Variants in CTNNBL1 observed in about 807,000 individuals in gnomAD.
The protein encoded by CTNNBL1 is beta-catenin-like protein 1.
In CTNNBL1, 31 loss-of-function variants were observed where a neutral mutation model predicts 72.7. The ratio of observed to expected loss-of-function variants is 0.43; its 90% CI spans 0.32 to 0.58. The LOEUF is 0.58. Among genes scored for constraint, CTNNBL1 ranks in the 20% least tolerant of loss-of-function variants. CTNNBL1 has a pLI of 0.08. For synonymous variants in CTNNBL1, 240 were observed against 267.3 expected, an observed-to-expected ratio of 0.90 and a Z score of 1.00; for missense variants, 534 against 725.1, an observed-to-expected ratio of 0.74 and a Z score of 3.03.
At chr20:37,821,305 C>T (rs2072105174) in intron 11 of CTNNBL1, among the ~76,000 whole-genome samples, 1 of 152,212 alleles carries the variant, frequency 6.6e-6, no homozygotes. Context: ...CAGCTGTGAG[C>T]TCCGCTAGGC....
chr20:37,844,717 C>T (rs986767287), intron 13 of CTNNBL1, among the ~76,000 whole-genome samples: 7 of 152,098 alleles, frequency 4.6e-5, no homozygotes, highest in Non-Finnish European at 1.0e-4. Flanking sequence ...GAGGCCAAGG[C>T]GGGCAGATCA....
intron 1 of CTNNBL1, among the ~76,000 whole-genome samples, chr20:37,713,265 A>G (rs151297340): frequency 4.5e-4 from 68 of 152,312 alleles, no homozygotes; most frequent in African/African-American, 1.6e-3. Context: ...GAAGACTGCA[A>G]ATCACTTCCC....
chr20:37,813,590 A>G (rs2072030329), intron 11 of CTNNBL1, among the ~76,000 whole-genome samples: 1 of 152,244 alleles, frequency 6.6e-6, no homozygotes, highest in African/African-American at 2.4e-5. Flanking sequence ...TGCCAGGTAG[A>G]AACTTGGCTC....
intron 11 of CTNNBL1, among the ~76,000 whole-genome samples, chr20:37,838,197 G>A (rs377714264): frequency 3.3e-5 from 5 of 152,200 alleles, no homozygotes; most frequent in Admixed American, 1.3e-4. Context: ...TCTGAGTTGG[G>A]GAGTCACTGG....
At chr20:37,781,844 A>G (rs2073628664) in intron 10 of CTNNBL1, among the ~76,000 whole-genome samples, 1 of 152,166 alleles carries the variant, frequency 6.6e-6, no homozygotes, top group African/African-American at 2.4e-5. Flanking sequence ...TCAGTCATTC[A>G]TCAGACAGTT....
intron 10 of CTNNBL1, among the ~76,000 whole-genome samples, chr20:37,799,390 C>T (rs145333602): frequency 1.9e-4 from 29 of 152,284 alleles, no homozygotes; most frequent in Non-Finnish European, 3.5e-4. Flanking sequence ...ACTGGCCATT[C>T]GGAACTACCT....
chr20:37,764,132 G>GAGCT (rs1346119788), intron 5 of CTNNBL1, among the ~76,000 whole-genome samples: 2 of 152,126 alleles, frequency 1.3e-5, no homozygotes, highest in African/African-American at 4.8e-5. Context: ...CCTAGGGTAA[G>GAGCT]GCCTGTTACA....
chr20:37,839,271 G>C (rs2072280454), intron 11 of CTNNBL1, among the ~76,000 whole-genome samples: 2 of 152,192 alleles, frequency 1.3e-5, no homozygotes, highest in Non-Finnish European at 2.9e-5. Flanking sequence ...AACTGGCATA[G>C]GAAGATGCTC....
At chr20:37,778,365 T>A (rs2073594466) in intron 9 of CTNNBL1, among the ~76,000 whole-genome samples, 1 of 151,842 alleles carries the variant, frequency 6.6e-6, no homozygotes, top group Non-Finnish European at 1.5e-5. Flanking sequence ...GTTGGGAGAG[T>A]CTGAGATGTC....
At position 37,765,284 on chromosome 20, in the gene CTNNBL1, ACT is replaced by A. The variant is rs1568770160; in HGVS notation, c.655_656del (p.Leu219GlyfsTer8). 2 of 1,547,798 alleles carry A rather than the reference ACT, an allele frequency of 1.3e-6. No individual in the cohort carries two copies. Among genetic ancestry groups the A allele is most frequent in the Non-Finnish European group, 8.7e-7 (1 of 1,143,704 alleles). ...AGAGGAGGCAGATGGCGTCCACAAC[ACT>A]CTGGGTGAGAGGAAGGGTGCTTGCC... Reference protein sequence around the residue: ...VKEEADGVHNTLAIVENMAEF... With the variant: ...VKEEADGVHNXLAIVENMAEF... On this transcript the variant is annotated frameshift_variant, in exon 6 of 16. Transcript: ENST00000361383. LOFTEE classifies it high-confidence loss of function.
intron 11 of CTNNBL1, among the ~76,000 whole-genome samples, chr20:37,835,632 A>G (rs1447479888): frequency 6.6e-6 from 1 of 152,170 alleles, no homozygotes; most frequent in Non-Finnish European, 1.5e-5. Flanking sequence ...CTTTAATTCC[A>G]CTACTAGGAA....
intron 10 of CTNNBL1, among the ~76,000 whole-genome samples, chr20:37,782,080 C>G (rs112962902): frequency 0.028 from 4,227 of 152,208 alleles, 92 homozygotes; most frequent in Middle Eastern, 0.092. Flanking sequence ...TATAAAGTAT[C>G]TAGGAGAATT....
chr20:37,729,360 C>T (rs1395729970), intron 1 of CTNNBL1, among the ~76,000 whole-genome samples: 1 of 152,098 alleles, frequency 6.6e-6, no homozygotes, highest in African/African-American at 2.4e-5. Flanking sequence ...TGAAGTTCTG[C>T]AGAAGGAAAG....
intron 12 of CTNNBL1, among the ~76,000 whole-genome samples, chr20:37,841,339 G>T (rs911157714): frequency 2.0e-5 from 3 of 152,220 alleles, no homozygotes; most frequent in African/African-American, 7.2e-5. Context: ...AGTGACATCA[G>T]TTAACATCTG....
At chr20:37,816,765 A>G (rs186214377) in intron 11 of CTNNBL1, among the ~76,000 whole-genome samples, 1 of 152,160 alleles carries the variant, frequency 6.6e-6, no homozygotes, top group East Asian at 1.9e-4. Context: ...CATAAAATAC[A>G]TTAAGCATGT....
chr20:37,697,864 C>T (rs1239258333), intron 1 of CTNNBL1, among the ~76,000 whole-genome samples: 1 of 152,186 alleles, frequency 6.6e-6, no homozygotes, highest in East Asian at 1.9e-4. Context: ...TCCAGATTCA[C>T]ACAAGTGAAA....
chr20:37,846,391 C>T (rs545716542), intron 13 of CTNNBL1, among the ~76,000 whole-genome samples: 13 of 151,774 alleles, frequency 8.6e-5, no homozygotes, highest in East Asian at 2.0e-4. Context: ...CCTGGTTCTC[C>T]GACTGTGGGC....
At position 37,859,862 on chromosome 20, in the gene CTNNBL1, G is replaced by A. The variant is rs1277045278; in HGVS notation, c.1393-37G>A. 3 of 1,608,776 alleles carry A rather than the reference G, an allele frequency of 1.9e-6. No individual in the cohort carries two copies. In the South Asian group the frequency reaches 3.3e-5, roughly 18 times the overall value. On this transcript the variant is annotated intron_variant, in intron 13 of 15. Coordinates refer to ENST00000361383, the MANE Select transcript of CTNNBL1 (RefSeq NM_030877.5). ...AGTCCATTCTTTCCTCCCATTCACT[G>A]TCCAGCTTTTATTCCTAAACGTTCA... is the stretch of plus-strand genomic sequence containing the variant.
chr20:37,858,607 A>AT (rs2072463431), intron 13 of CTNNBL1, among the ~76,000 whole-genome samples: 1 of 151,608 alleles, frequency 6.6e-6, no homozygotes, highest in Non-Finnish European at 1.5e-5. Context: ...GGGTTGGGGG[A>AT]TGGTAAAGAT....
Sources: gnomAD v4.1 joint callset for allele counts (sites outside exome capture counted in the v4.1 genomes callset) on GRCh38, gnomAD v4.1.1 for gene constraint, MANE v1.5 for transcripts, NCBI Gene and HGNC (gene_info 2026-07-23, HGNC 2026-07-21) for gene names.